KANK1: variants seen among roughly 807,000 people sequenced by gnomAD.
KANK1 encodes the protein KN motif and ankyrin repeat domains 1.
A neutral mutation model predicts 106.2 loss-of-function variants in KANK1; 109 were observed. The ratio of observed to expected loss-of-function variants is 1.03; its 90% CI spans 0.88 to 1.20. The LOEUF is 1.20. Among genes scored for constraint, KANK1 ranks in the 50% most tolerant of loss-of-function variants. The pLI, the probability that KANK1 is intolerant of heterozygous loss-of-function variation, is 0.00. For missense variants in KANK1, 2,399 were observed against 1,710.7 expected, an observed-to-expected ratio of 1.40 and a Z score of -7.10; for synonymous variants, 873 against 652.2, an observed-to-expected ratio of 1.34 and a Z score of -5.16.
At chr9:742,683 C>T (rs1380011318) in intron 10 of KANK1, among the ~76,000 whole-genome samples, 2 of 152,202 alleles carry the variant, frequency 1.3e-5, no homozygotes, top group South Asian at 2.1e-4. Flanking sequence ...TGTCCAAGAG[C>T]CCCTCTACTA....
At chr9:618,186 A>G (rs1260430479) in intron 1 of KANK1, among the ~76,000 whole-genome samples, 1 of 152,188 alleles carries the variant, frequency 6.6e-6, no homozygotes, top group East Asian at 1.9e-4. Context: ...AAGAAAATAC[A>G]GGCTATTCTA....
At chr9:558,702 G>A (rs1466359305) in intron 1 of KANK1, 1 of 144,848 alleles carries the variant, frequency 6.9e-6, no homozygotes, top group Admixed American at 7.0e-5. Flanking sequence ...AAAAAAAAAA[G>A]CCCTAAAAAC....
upstream of KANK1, among the ~76,000 whole-genome samples, chr9:500,127 G>A (rs111736796): frequency 1.3e-5 from 2 of 152,146 alleles, no homozygotes; most frequent in Non-Finnish European, 2.9e-5. Context: ...TTTTTTAAGC[G>A]CCTTTAACTC....
In KANK1 at chr9:475,303, C is replaced by G. The variant is rs151233104; in HGVS notation, c.-362+2030C>G. 1.8e-3 allele frequency among the ~76,000 whole-genome samples: 276 copies of G among 152,326 alleles called. 2 individuals carry two copies. Among genetic ancestry groups the G allele is most frequent in the African/African-American group, 5.9e-3 (245 of 41,570 alleles). On this transcript the variant is annotated intron_variant, in intron 3 of 15. Coordinates refer to the KANK1 transcript ENST00000382303. ...TGCATGCTCCCCTCCCAAATGCTAG[C>G]AGGCCACTGCACATATGGACAGCCC...
chr9:607,888 G>T (rs1385790874), intron 1 of KANK1, among the ~76,000 whole-genome samples: 1 of 151,290 alleles, frequency 6.6e-6, no homozygotes, highest in African/African-American at 2.4e-5. Context: ...TCATGTTCTT[G>T]GTACCTTTAC....
chr9:480,869 A>AGAC (rs1366790147), intron 3 of KANK1, among the ~76,000 whole-genome samples: 3 of 152,242 alleles, frequency 2.0e-5, no homozygotes, highest in Non-Finnish European at 4.4e-5. Flanking sequence ...AAAGTGGACC[A>AGAC]GACTGCAGAG....
At chr9:578,242 AG>A (rs1235083290) in intron 1 of KANK1, among the ~76,000 whole-genome samples, 1 of 152,234 alleles carries the variant, frequency 6.6e-6, no homozygotes, top group Non-Finnish European at 1.5e-5. Flanking sequence ...CAAACAAAGT[AG>A]GAAACATTCT....
intron 1 of KANK1, among the ~76,000 whole-genome samples, chr9:548,270 TC>T (rs2061054171): frequency 6.6e-6 from 1 of 152,198 alleles, no homozygotes; most frequent in Non-Finnish European, 1.5e-5. Flanking sequence ...AAAAGATTTT[TC>T]TCACTTCAAA....
chr9:513,593 G>C (rs2059127875), intron 1 of KANK1, among the ~76,000 whole-genome samples: 2 of 152,260 alleles, frequency 1.3e-5, no homozygotes, highest in African/African-American at 2.4e-5. Flanking sequence ...AACCTCTTTT[G>C]ATATTTGTCT....
At chr9:724,692 C>T (rs539024356) in intron 3 of KANK1, among the ~76,000 whole-genome samples, 3 of 152,162 alleles carry the variant, frequency 2.0e-5, no homozygotes, top group East Asian at 3.9e-4. Flanking sequence ...ATCCCAGCTA[C>T]TCAGGAGGCT....
rs769134751 is a variant in KANK1 at position 712,810 on chromosome 9, C to A, written c.2044C>A (p.Gln682Lys). ...DTSTDLEQVHQFTNTETATLI... is the reference protein window; with the variant it reads ...DTSTDLEQVHKFTNTETATLI... ...TAGCACAGATTTGGAACAGGTGCAC[C>A]AGTTCACCAACACCGAGACGGCCAC... Residue 682 changes from glutamine to lysine, a missense_variant, in exon 3 of 12, where the codon CAG becomes AAG. Physicochemically the swap from Gln to Lys is moderately conservative, Grantham distance 53. Transcript: ENST00000382297. 8.7e-6 allele frequency: 14 copies of A among 1,613,820 alleles called. No individual in the cohort carries two copies. The highest frequency in any genetic ancestry group is 1.2e-5 in the Non-Finnish European group (14 of 1,179,910).
At chr9:717,498 C>G (rs996223932) in intron 3 of KANK1, among the ~76,000 whole-genome samples, 1 of 152,006 alleles carries the variant, frequency 6.6e-6, no homozygotes, top group African/African-American at 2.4e-5. Flanking sequence ...TAAAAGGTCA[C>G]GAACATTTTT....
intron 2 of KANK1, among the ~76,000 whole-genome samples, chr9:472,077 C>T (rs534898895): frequency 9.8e-5 from 15 of 152,344 alleles, no homozygotes; most frequent in African/African-American, 3.4e-4. Flanking sequence ...AACACTCTTA[C>T]ATATAATTAT....
At position 738,450 on chromosome 9, in the gene KANK1, C is replaced by G; in HGVS notation, c.3499C>G (p.His1167Asp). The G allele has an allele frequency of 6.2e-7, 1 of 1,614,168 alleles. No homozygotes were observed. Among genetic ancestry groups the G allele is most frequent in the Middle Eastern group, 1.6e-4 (1 of 6,062 alleles). The change falls in exon 8 of 12, where the codon CAT (histidine) becomes GAT (aspartate). Residue 1167 changes from histidine to aspartate, a missense_variant. His to Asp is a moderately conservative substitution (Grantham distance 81). Transcript: ENST00000382297. ...AGACGGCAACGGCAACACAGCCCTC[C>G]ATTACAGCGTGTCCCACTCCAACTT... ...LADGNGNTAL[H>D]YSVSHSNFEI...
At chr9:689,243 A>C (rs931389974) in intron 2 of KANK1, among the ~76,000 whole-genome samples, 1 of 152,200 alleles carries the variant, frequency 6.6e-6, no homozygotes, top group Non-Finnish European at 1.5e-5. Context: ...ATGCGACACT[A>C]GTTTTAAGCC....
chr9:553,610 T>C (rs1001389919), intron 1 of KANK1, among the ~76,000 whole-genome samples: 13 of 152,156 alleles, frequency 8.5e-5, no homozygotes, highest in African/African-American at 3.1e-4. Context: ...ATGAAGTAAA[T>C]GTGAGCAATG....
At chr9:742,145 A>C in intron 9 of KANK1, 60 bp from the exon 10 acceptor site, 2 of 1,444,898 alleles carry the variant, frequency 1.4e-6, no homozygotes, top group Non-Finnish European at 1.9e-6. Flanking sequence ...CAGCCCCACT[A>C]GAGGCCACCA....
intron 1 of KANK1, among the ~76,000 whole-genome samples, chr9:571,260 C>G (rs909184073): frequency 7.2e-5 from 11 of 152,158 alleles, no homozygotes; most frequent in African/African-American, 2.7e-4. Flanking sequence ...ATACTCGATA[C>G]AGTTATGTAT....
intron 4 of KANK1, chr9:730,557 G>C: frequency 2.8e-6 from 1 of 359,038 alleles, no homozygotes; most frequent in Non-Finnish European, 5.4e-6. Flanking sequence ...GCCAGGCATG[G>C]TGGTGCACAC....
Sources: gnomAD v4.1 joint callset for allele counts (sites outside exome capture counted in the v4.1 genomes callset) on GRCh38, gnomAD v4.1.1 for gene constraint, MANE v1.5 for transcripts, NCBI Gene and HGNC (gene_info 2026-07-23, HGNC 2026-07-21) for gene names.